AGRN: variants seen among roughly 807,000 people sequenced by gnomAD.
The protein encoded by AGRN is agrin.
In AGRN, 106 loss-of-function variants were observed where a neutral mutation model predicts 211.0. That is an observed-to-expected ratio of 0.50 (90% CI 0.43 to 0.59). The LOEUF (loss-of-function observed/expected upper bound fraction) is 0.59, where lower values mean the gene tolerates loss of function less well. Ranked by LOEUF, AGRN falls within the 20% of genes least tolerant of loss-of-function variation. The pLI, the probability that AGRN is intolerant of heterozygous loss-of-function variation, is 0.00. For synonymous variants in AGRN, 1,525 were observed against 1,332.5 expected, an observed-to-expected ratio of 1.14 and a Z score of -3.15; for missense variants, 3,040 against 2,982.6, an observed-to-expected ratio of 1.02 and a Z score of -0.45.
chr1:1,034,561 T>C (rs2100606169), intron 2 of AGRN: 1 of 986,540 alleles, frequency 1.0e-6, no homozygotes, highest in South Asian at 4.7e-5. Flanking sequence ...GGGCCATGCC[T>C]CCGCTGCCGC....
At chr1:1,045,308 G>A (rs776268625) in intron 13 of AGRN, 31 bp downstream of exon 13, 1 of 1,612,112 alleles carries the variant, frequency 6.2e-7, no homozygotes, top group Non-Finnish European at 8.5e-7. Context: ...CCGACCCCGG[G>A]CCTGGTGCGG....
intron 13 of AGRN, 40 bp downstream of exon 13, chr1:1,045,317 G>A (rs752337900): frequency 1.2e-5 from 20 of 1,611,986 alleles, no homozygotes; most frequent in African/African-American, 2.7e-5. Flanking sequence ...GGCCTGGTGC[G>A]GCTGTGCGGC....
chr1:1,051,963 C>CCT (rs1645307316), intron 33 of AGRN, 148 bp downstream of exon 33: 1 of 1,547,854 alleles, frequency 6.5e-7, no homozygotes, highest in Non-Finnish European at 8.7e-7. Flanking sequence ...GGTCCTCCCG[C>CCT]CTCTCACTGT....
chr1:1,026,547 C>T (rs1021358033), intron 2 of AGRN, among the ~76,000 whole-genome samples: 1 of 152,170 alleles, frequency 6.6e-6, no homozygotes, highest in Non-Finnish European at 1.5e-5. Context: ...CAGAAGCAGA[C>T]GCCCCACGCC....
At chr1:1,054,369 G>A in intron 34 of AGRN, 79 bp from the exon 35 acceptor site, 1 of 1,305,832 alleles carries the variant, frequency 7.7e-7, no homozygotes, top group South Asian at 1.3e-5. Flanking sequence ...CAGGGCATAG[G>A]AAGGATGCAG....
intron 14 of AGRN, 81 bp downstream of exon 14, chr1:1,045,604 C>T (rs552546849): frequency 1.9e-6 from 3 of 1,604,198 alleles, no homozygotes; most frequent in East Asian, 2.2e-5. Context: ...TCCTCACCTG[C>T]CCAGGCCCTG....
Position 1,032,292 on chromosome 1 carries a change from AT to A in AGRN, c.464-2984del, listed in dbSNP as rs1204432537. On this transcript the variant is annotated intron_variant, in intron 2 of 35. Transcript: ENST00000379370. The surrounding 1 kb of genome is among the most constrained non-coding windows in gnomAD (Gnocchi z 4.7). The stretch of plus-strand genomic sequence containing the variant: ...GATGTGGAGGCCTCCTGTCTGGGTG[AT>A]GGGGCATGGTGCTGGTCCCTGGCTG... 6.6e-6 allele frequency among the ~76,000 whole-genome samples: 1 copy of A among 152,232 alleles called. No homozygotes were observed. Among genetic ancestry groups the A allele is most frequent in the Admixed American group, 6.5e-5 (1 of 15,296 alleles).
Position 1,051,485 on chromosome 1 carries a change from G to C in AGRN, c.5403G>C (p.Pro1801=), listed in dbSNP as rs767934845. 2 of 1,570,196 alleles carry C rather than the reference G, an allele frequency of 1.3e-6. No homozygotes were observed. The highest frequency in any genetic ancestry group is 2.7e-5 in the African/African-American group (2 of 74,364). ...TCGGAGGCCGCCAGCTGCTGACCCC[G>C]GAGCACGTGCTGCGGCAGGTGGACG... The part of the protein sequence containing the change: ...VSLGGRQLLT[P]EHVLRQVDVT... Residue 1801 remains proline, a synonymous_variant, in exon 32 of 36, where the codon CCG becomes CCC. Transcript: ENST00000379370.
In AGRN at chr1:1,020,514, G is replaced by A. The variant is rs1481648563; in HGVS notation, c.201+141G>A. The A allele has an allele frequency of 2.7e-5, 21 of 764,338 alleles. No individual in the cohort carries two copies. In the South Asian group the frequency reaches 5.6e-4, roughly 20 times the overall value. 47.3% of individuals were successfully genotyped at this position (764,338 alleles called of 1,614,324 possible). A position where few individuals can be genotyped will look rare whatever the true frequency, so the allele number is the denominator to read the frequency against. On this transcript the variant is annotated intron_variant, in intron 1 of 35. Transcript: ENST00000379370. ...TGGCGACCGCCAAGCCCCGGGAGGG[G>A]GGGTCGCCGGGTCCCGGGAAACTCG...
rs544870363 is a variant in AGRN at position 1,050,854 on chromosome 1, G to A, written c.5253+17G>A. 79 of 1,541,176 alleles carry A rather than the reference G, an allele frequency of 5.1e-5. No homozygotes were observed. The highest frequency in any genetic ancestry group is 1.4e-4 in the African/African-American group (10 of 73,360). Reference sequence around the variant, plus strand: ...GAGTCCCCGGTGAGTGCTCTGGGCCGCGAGGGGACTCCCGCTGCTGCCTGC... The same window carrying A: ...GAGTCCCCGGTGAGTGCTCTGGGCCACGAGGGGACTCCCGCTGCTGCCTGC... On this transcript the variant is annotated intron_variant, in intron 30 of 35. Transcript: ENST00000379370.
At chr1:1,042,935 A>AGTGGCCTGGGCAGGCTGGG (rs1644985189) in intron 7 of AGRN, among the ~76,000 whole-genome samples, 1 of 151,830 alleles carries the variant, frequency 6.6e-6, no homozygotes, top group African/African-American at 2.4e-5. Flanking sequence ...GTCAGGGGTC[A>AGTGGCCTGGGCAGGCTGGG]GTGGCCTGGG....
chr1:1,053,947 C>A lies in AGRN; in HGVS notation c.5846C>A (p.Thr1949Asn), dbSNP rs991142282. ...VVLRSTVPVN[T>N]NRWLRVVAHR... Reference sequence around the variant, plus strand: ...CTGCGTTCCACCGTGCCCGTCAACACCAACCGCTGGTTGCGGGTCGTGGCA... The same window carrying A: ...CTGCGTTCCACCGTGCCCGTCAACAACAACCGCTGGTTGCGGGTCGTGGCA... The change falls in exon 34 of 36, where the codon ACC becomes AAC. Residue 1949 changes from threonine (T) to asparagine (N), a missense_variant. Thr to Asn is a moderately conservative substitution (Grantham distance 65). Coordinates refer to ENST00000379370, the MANE Select transcript of AGRN (RefSeq NM_198576.4). 1 of 1,603,742 alleles carries A rather than the reference C, an allele frequency of 6.2e-7. No homozygotes were observed. Among genetic ancestry groups the A allele is most frequent in the Admixed American group, 1.7e-5 (1 of 58,702 alleles).
At chr1:1,039,839 T>A (rs1030062905) in intron 3 of AGRN, among the ~76,000 whole-genome samples, 17 of 150,016 alleles carry the variant, frequency 1.1e-4, no homozygotes, top group Admixed American at 2.0e-4. Flanking sequence ...GGCGTGTGGG[T>A]GCCCCAGGGA....
chr1:1,042,033 G>A lies in AGRN; in HGVS notation c.1255G>A (p.Val419Ile), dbSNP rs758479799. Reference sequence around the variant, plus strand: ...CCGTCCCCGCTGCTCCTGCGACCGCGTCACCTGTGACGGGGCCTACAGGCC... The same window carrying A: ...CCGTCCCCGCTGCTCCTGCGACCGCATCACCTGTGACGGGGCCTACAGGCC... The part of the protein sequence containing the change: ...RGRPRCSCDR[V>I]TCDGAYRPVC... The change falls in exon 7 of 36, where the codon GTC becomes ATC. Residue 419 changes from valine to isoleucine, a missense_variant. This residue lies in a region of AGRN where 1,498 missense variants were observed against 1,457.8 expected (regional missense o/e 1.03). Coordinates refer to ENST00000379370, the MANE Select transcript of AGRN (RefSeq NM_198576.4). 14 of 1,609,976 alleles carry A rather than the reference G, an allele frequency of 8.7e-6. No homozygotes were observed. Among genetic ancestry groups the A allele is most frequent in the Admixed American group, 1.7e-5 (1 of 59,968 alleles).
At position 1,050,926 on chromosome 1, in the gene AGRN, C is replaced by T. The variant is rs1346171391; in HGVS notation, c.5253+89C>T. On this transcript the variant is annotated intron_variant, in intron 30 of 35. Transcript: ENST00000379370. ...CCCGCCCCTGCCGGCGCTCACGGAG[C>T]TGTTTTTCTGTCCTGTTCTCTTGGC... 9 of 1,534,134 alleles carry T rather than the reference C, an allele frequency of 5.9e-6. No homozygotes were observed. The East Asian group carries it at 1.7e-4, about 29-fold the overall frequency.
At position 1,049,776 on chromosome 1, in the gene AGRN, G is replaced by A. The variant is rs763693142; in HGVS notation, c.4725G>A (p.Gln1575=). The change falls in exon 26 of 36, where the codon CAG becomes CAA. Residue 1575 remains glutamine (Q), a synonymous_variant. Transcript: ENST00000379370. ...QNLEAGRFHC[Q]CPPGRVGPTC... ...TGGAGGCTGGAAGGTTCCATTGCCA[G>A]TGCCCGCCCGGCCGCGTCGGTGAGG... 7 of 1,591,030 alleles carry A rather than the reference G, an allele frequency of 4.4e-6. No homozygotes were observed. The African/African-American group carries it at 8.0e-5, about 18-fold the overall frequency.
chr1:1,020,194 GGCCCGCTGC>G lies in AGRN; in HGVS notation c.24_32del (p.Arg11_Leu13del). On this transcript the variant is annotated inframe_deletion, in exon 1 of 36. Coordinates refer to ENST00000379370, the MANE Select transcript of AGRN (RefSeq NM_198576.4). ...CGCCATGGCCGGCCGGTCCCACCCG[GGCCCGCTGC>G]GGCCGCTGCTGCCGCTCCTTGTGGT... The G allele has an allele frequency of 7.3e-7, 1 of 1,360,570 alleles. No individual in the cohort carries two copies. The highest frequency in any genetic ancestry group is 9.4e-7 in the Non-Finnish European group (1 of 1,060,144). The allele number at this position is 1,360,570 out of a possible 1,614,324, so 84.3% of individuals were successfully genotyped here. A position where few individuals can be genotyped will look rare whatever the true frequency, so the allele number is the denominator to read the frequency against.
rs375590400 is a variant in AGRN at position 1,048,170 on chromosome 1, G to A, written c.3910G>A (p.Ala1304Thr). The A allele has an allele frequency of 6.7e-5, 105 of 1,578,888 alleles. No individual in the cohort carries two copies. The highest frequency in any genetic ancestry group is 1.7e-4 in the South Asian group (15 of 87,394). The change falls in exon 23 of 36, where the codon GCC (alanine) becomes ACC (threonine). Residue 1304 changes from alanine to threonine, a missense_variant. By Grantham distance (58) the Ala-to-Thr change is moderately conservative (BLOSUM62 0). Coordinates refer to ENST00000379370, the MANE Select transcript of AGRN (RefSeq NM_198576.4). The surrounding 1 kb of genome is among the most constrained non-coding windows in gnomAD (Gnocchi z 5.9). ...TSQPVAKTTA[A>T]PTTRRPPTTA... ...CCAGCCCGTTGCCAAGACCACGGCA[G>A]CCCCCACCACACGTCGGCCCCCCAC...
At chr1:1,047,530 G>T (rs769409270) in intron 20 of AGRN, 43 bp from the exon 21 acceptor site, 1 of 1,612,342 alleles carries the variant, frequency 6.2e-7, no homozygotes, top group Non-Finnish European at 8.5e-7. Flanking sequence ...AGGGCAGCCC[G>T]GCTTGGGCGG....
Sources: gnomAD v4.1 joint callset for allele counts (sites outside exome capture counted in the v4.1 genomes callset) on GRCh38, gnomAD v4.1.1 for gene constraint, gnomAD v4.1.1 regional missense constraint, Gnocchi (gnomAD v3.1) non-coding constraint, MANE v1.5 for transcripts, NCBI Gene and HGNC (gene_info 2026-07-23, HGNC 2026-07-21) for gene names.